Variants in TLCD3B observed in about 807,000 individuals in gnomAD.
The protein encoded by TLCD3B is ceramide synthase.
In TLCD3B, 9 loss-of-function variants were observed where a neutral mutation model predicts 23.0. The ratio of observed to expected loss-of-function variants is 0.39; its 90% confidence interval spans 0.24 to 0.68. The LOEUF (loss-of-function observed/expected upper bound fraction) is 0.68, where lower values mean the gene tolerates loss of function less well. Among genes scored for constraint, TLCD3B ranks in the 30% least tolerant of loss-of-function variants. TLCD3B has a pLI of 0.44. For missense variants in TLCD3B, 307 were observed against 371.8 expected (o/e 0.83, Z 1.43); for synonymous variants, 161 against 161.0 (o/e 1.00, Z 0.00).
Position 30,024,495 on chromosome 16 carries a change from T to C in TLCD3B, c.*688A>G, listed in dbSNP as rs1171218043. ...CCTCCCAGGGTCCCCCGACCCCAGATTGGAGGAAGCCTTGAGAGGTCAGTA... is the reference window on the plus strand; with the variant it reads ...CCTCCCAGGGTCCCCCGACCCCAGACTGGAGGAAGCCTTGAGAGGTCAGTA... On this transcript the variant is annotated 3_prime_UTR_variant, in exon 5 of 5. Transcript: ENST00000380495. 9.3e-6 allele frequency: 5 copies of C among 539,066 alleles called. No individual in the cohort carries two copies. The highest frequency in any genetic ancestry group is 6.5e-5 in the Admixed American group (2 of 30,552). 33.4% of individuals were successfully genotyped at this position (539,066 alleles called of 1,614,324 possible).
intron 2 of TLCD3B, among the ~76,000 whole-genome samples, chr16:30,046,156 C>T (rs2071671004): frequency 6.6e-6 from 1 of 151,992 alleles, no homozygotes; most frequent in Admixed American, 6.6e-5. Flanking sequence ...AGGCAGTCCA[C>T]CACGTGTGGA....
At position 30,025,688 on chromosome 16, in the gene TLCD3B, T is replaced by A; in HGVS notation, c.540+38A>T. The stretch of plus-strand genomic sequence containing the variant: ...GAAGGTCCCTCCCCTTCCTGTGACC[T>A]CCCCATTGGGCTCCTGCACCCTCCC... On this transcript the variant is annotated intron_variant, in intron 4 of 4. Transcript: ENST00000380495. The surrounding 1 kb of genome is among the most constrained non-coding windows in gnomAD (Gnocchi z 4.1). 1 of 1,599,316 alleles carries A rather than the reference T, an allele frequency of 6.3e-7. No individual in the cohort carries two copies. Among genetic ancestry groups the A allele is most frequent in the East Asian group, 2.2e-5 (1 of 44,800 alleles).
At chr16:30,028,775 AG>A (rs1454347260) in intron 2 of TLCD3B, among the ~76,000 whole-genome samples, 1 of 152,106 alleles carries the variant, frequency 6.6e-6, no homozygotes, top group Non-Finnish European at 1.5e-5. Flanking sequence ...GGCACCTCTA[AG>A]GCAACTTGCA....
chr16:30,032,028 C>T (rs1233195793), upstream of TLCD3B, among the ~76,000 whole-genome samples: 1 of 152,192 alleles, frequency 6.6e-6, no homozygotes, highest in Non-Finnish European at 1.5e-5. Flanking sequence ...AATTCCCACC[C>T]CTCACTTTTT....
Position 30,029,157 on chromosome 16 carries a change from C to T in TLCD3B, c.209+275G>A, listed in dbSNP as rs1431665796. Among the ~76,000 whole-genome samples, 8 of 152,140 alleles carry T rather than the reference C, an allele frequency of 5.3e-5. No individual in the cohort carries two copies. Among genetic ancestry groups the T allele is most frequent in the South Asian group, 2.1e-4 (1 of 4,824 alleles). ...AAGGCAGGGAGGAGGTGGGGAACCA[C>T]GACAACACGGGAGACCTGGAAGCCG... On this transcript the variant is annotated intron_variant, in intron 2 of 4. Coordinates refer to ENST00000380495, the MANE Select transcript of TLCD3B (RefSeq NM_031478.6). The surrounding 1 kb of genome is among the most constrained non-coding windows in gnomAD (Gnocchi z 4.6).
At chr16:30,031,378 G>C (rs571024125), upstream of TLCD3B, 7 of 152,498 alleles carry the variant, frequency 4.6e-5, no homozygotes, top group Admixed American at 4.6e-4. Context: ...GCTGGGGACA[G>C]GGGACAGGGG....
chr16:30,039,964 T>C (rs1460599616), intron 3 of TLCD3B, among the ~76,000 whole-genome samples: 1 of 151,400 alleles, frequency 6.6e-6, no homozygotes, highest in African/African-American at 2.4e-5. Context: ...CGAAACCCCA[T>C]CCCTACTGAA....
chr16:30,030,283 G>A (rs954113939), intron 1 of TLCD3B, 120 bp downstream of exon 1: 34 of 1,189,782 alleles, frequency 2.9e-5, no homozygotes, highest in Admixed American at 8.6e-5. Context: ...GTAAAGCCCC[G>A]GACCCCCACA....
At chr16:30,045,489 TTGTGTGGTG>T (rs1247135830) in intron 2 of TLCD3B, among the ~76,000 whole-genome samples, 2 of 100,728 alleles carry the variant, frequency 2.0e-5, no homozygotes, top group Non-Finnish European at 2.0e-5. Context: ...GTATGTGTGT[TTGTGTGGTG>T]TGTATGGTGT....
intron 3 of TLCD3B, among the ~76,000 whole-genome samples, chr16:30,039,365 T>G (rs1248829325): frequency 6.6e-6 from 1 of 152,022 alleles, no homozygotes; most frequent in Non-Finnish European, 1.5e-5. Flanking sequence ...TCAGGTGGTC[T>G]GCTCACCTCA....
intron 2 of TLCD3B, among the ~76,000 whole-genome samples, chr16:30,045,573 A>G (rs1306320434): frequency 4.0e-4 from 33 of 81,564 alleles, no homozygotes; most frequent in South Asian, 8.7e-4. Flanking sequence ...TGTGTGGTGT[A>G]TGTGGTATGT....
intron 3 of TLCD3B, chr16:30,036,417 G>A (rs2150989507): frequency 2.4e-6 from 3 of 1,276,292 alleles, no homozygotes; most frequent in Non-Finnish European, 3.0e-6. Flanking sequence ...CTACTCTGGG[G>A]AGCAGAGGTG....
chr16:30,030,255 G>A, intron 1 of TLCD3B, 148 bp downstream of exon 1: 1 of 1,117,990 alleles, frequency 8.9e-7, no homozygotes, highest in Non-Finnish European at 1.3e-6. Context: ...AGGCAGTGAG[G>A]AGAGAGGAAG....
rs753328067 is a variant in TLCD3B at position 30,030,518 on chromosome 16, G to A, written c.10C>T (p.Pro4Ser). Residue 4 changes from proline to serine, a missense_variant, in exon 1 of 5, where the codon CCG becomes TCG. By Grantham distance (74) the Pro-to-Ser change is moderately conservative (BLOSUM62 -1). Transcript: ENST00000380495. MLT[P>S]MVAGGVVFPG... ...AACACCACCCCCCCGGCCACCATCGGGGTCAGCATGGTGGCTCAGGACTTG... is the reference window on the plus strand; with the variant it reads ...AACACCACCCCCCCGGCCACCATCGAGGTCAGCATGGTGGCTCAGGACTTG... 8.8e-6 allele frequency: 14 copies of A among 1,584,026 alleles called. No individual in the cohort carries two copies. In the South Asian group the frequency reaches 1.5e-4, roughly 17 times the overall value.
chr16:30,045,015 C>CCA (rs1383604742), intron 2 of TLCD3B, among the ~76,000 whole-genome samples: 1 of 146,840 alleles, frequency 6.8e-6, no homozygotes, highest in Admixed American at 7.1e-5. Flanking sequence ...ATTGCTTGAA[C>CCA]CCAGGAGGTG....
In TLCD3B at chr16:30,024,528, G is replaced by T; in HGVS notation, c.*655C>A. ...AGCCTTGAGAGGTCAGTAGCACCAG[G>T]GACATGGCAGGGCCCGAGGGCGCGA... On this transcript the variant is annotated 3_prime_UTR_variant, in exon 5 of 5. Transcript: ENST00000380495. 2.1e-6 allele frequency: 1 copy of T among 473,184 alleles called. No individual in the cohort carries two copies. Among genetic ancestry groups the T allele is most frequent in the Non-Finnish European group, 3.8e-6 (1 of 265,386 alleles). The allele number at this position is 473,184 out of a possible 1,614,324, so 29.3% of individuals were successfully genotyped here. A position where few individuals can be genotyped will look rare whatever the true frequency, so the allele number is the denominator to read the frequency against.
At chr16:30,051,162 G>A (rs1176138031) in intron 1 of TLCD3B, among the ~76,000 whole-genome samples, 3 of 152,030 alleles carry the variant, frequency 2.0e-5, no homozygotes, top group East Asian at 1.9e-4. Context: ...CTGGGAGGCC[G>A]AGGTGGGAGG....
chr16:30,028,778 C>A (rs1195061960), intron 2 of TLCD3B, among the ~76,000 whole-genome samples: 1 of 152,196 alleles, frequency 6.6e-6, no homozygotes, highest in Non-Finnish European at 1.5e-5. Context: ...ACCTCTAAGG[C>A]AACTTGCAAC....
intron 1 of TLCD3B, among the ~76,000 whole-genome samples, chr16:30,050,558 A>C (rs1001597968): frequency 6.6e-6 from 1 of 152,098 alleles, no homozygotes; most frequent in African/African-American, 2.4e-5. Context: ...AACAAAAACA[A>C]AAACAAAAAC....
Sources: gnomAD v4.1 joint callset for allele counts (sites outside exome capture counted in the v4.1 genomes callset) on GRCh38, gnomAD v4.1.1 for gene constraint, Gnocchi (gnomAD v3.1) non-coding constraint, MANE v1.5 for transcripts, NCBI Gene and HGNC (gene_info 2026-07-23, HGNC 2026-07-21) for gene names.